The following PAPPA variants were observed in gnomAD, a reference collection of about 807,000 sequenced individuals.
The protein encoded by PAPPA is pappalysin 1, also known as pappalysin-1.
In PAPPA, 60 loss-of-function variants were observed where a neutral mutation model predicts 164.0. That is an observed-to-expected ratio of 0.37 (90% confidence interval 0.30 to 0.45). PAPPA has a LOEUF of 0.45. PAPPA is among the 20% of genes least tolerant of loss of function. The pLI, the probability that PAPPA is intolerant of heterozygous loss-of-function variation, is 1.00. For synonymous variants in PAPPA, 875 were observed against 814.1 expected, an observed-to-expected ratio of 1.07 and a Z score of -1.27; for missense variants, 1,782 against 2,087.3, an observed-to-expected ratio of 0.85 and a Z score of 2.85.
At chr9:116,349,256 TTC>T (rs1846251013) in intron 15 of PAPPA, among the ~76,000 whole-genome samples, 1 of 152,188 alleles carries the variant, frequency 6.6e-6, no homozygotes. Context: ...CCAATATTCT[TTC>T]ACATTCTAAC....
intron 13 of PAPPA, among the ~76,000 whole-genome samples, chr9:116,341,240 C>T (rs2118969526): frequency 6.6e-6 from 1 of 152,064 alleles, no homozygotes; most frequent in East Asian, 1.9e-4. Context: ...AGGGATGCAC[C>T]ATGGTGGCCA....
chr9:116,377,751 T>G, intron 20 of PAPPA, 104 bp downstream of exon 20: 1 of 822,704 alleles, frequency 1.2e-6, no homozygotes. Context: ...ACCTACTGAG[T>G]GTTGAAAATA....
chr9:116,386,348 G>A (rs1846811907), intron 21 of PAPPA, among the ~76,000 whole-genome samples: 1 of 152,180 alleles, frequency 6.6e-6, no homozygotes, highest in Admixed American at 6.5e-5. Context: ...ACTCCCTGCA[G>A]TAGACTGGCT....
In PAPPA at chr9:116,154,126, C is replaced by CG; in HGVS notation, c.-44dup. On this transcript the variant is annotated 5_prime_UTR_variant, in exon 1 of 22. Coordinates refer to ENST00000328252, the MANE Select transcript of PAPPA (RefSeq NM_002581.5). The surrounding 1 kb of genome is among the most constrained non-coding windows in gnomAD (Gnocchi z 5.2). ...CCGAGGCTCCCAAAGCTGGCAGCTC[C>CG]GGGTGGCGGTGCAGGGGCGAAGGGG... The CG allele has an allele frequency of 2.2e-6, 1 of 460,838 alleles. No homozygotes were observed. The highest frequency in any genetic ancestry group is 2.9e-6 in the Non-Finnish European group (1 of 344,262). 28.5% of individuals were successfully genotyped at this position (460,838 alleles called of 1,614,324 possible).
intron 7 of PAPPA, among the ~76,000 whole-genome samples, chr9:116,242,358 T>C (rs968209674): frequency 6.6e-6 from 1 of 151,948 alleles, no homozygotes; most frequent in African/African-American, 2.4e-5. Context: ...GATTGATAAA[T>C]GAATGAAAGA....
chr9:116,364,433 C>A (rs1030466910), intron 18 of PAPPA, among the ~76,000 whole-genome samples: 1 of 152,130 alleles, frequency 6.6e-6, no homozygotes, highest in African/African-American at 2.4e-5. Context: ...AAACAAACAG[C>A]CCCAAACACA....
At position 116,399,025 on chromosome 9, in the gene PAPPA, T is replaced by C. The variant is rs550018188; in HGVS notation, c.*2409T>C. The stretch of plus-strand genomic sequence containing the variant: ...CCTCCCAGTTGCTTAATTATACCCA[T>C]AGGTAATACAAAAAGCTCTGAAGAC... On this transcript the variant is annotated 3_prime_UTR_variant, in exon 22 of 22. Transcript: ENST00000328252. 8 of 194,500 alleles carry C rather than the reference T, an allele frequency of 4.1e-5. No individual in the cohort carries two copies. The highest frequency in any genetic ancestry group is 1.4e-4 in the African/African-American group (6 of 42,182). The allele number at this position is 194,500 out of a possible 1,614,324, so 12.0% of individuals were successfully genotyped here.
intron 2 of PAPPA, among the ~76,000 whole-genome samples, chr9:116,197,412 C>G (rs1328430697): frequency 2.0e-5 from 3 of 152,122 alleles, no homozygotes; most frequent in Non-Finnish European, 4.4e-5. Context: ...TGCTCTATGA[C>G]AAGTTGAAAA....
At chr9:116,315,358 C>T (rs1845775242) in intron 10 of PAPPA, among the ~76,000 whole-genome samples, 1 of 152,214 alleles carries the variant, frequency 6.6e-6, no homozygotes, top group Admixed American at 6.5e-5. Context: ...GGAATGTTCA[C>T]TGCACAGTGA....
Position 116,276,497 on chromosome 9 carries a change from T to A in PAPPA, c.2953+5081T>A, listed in dbSNP as rs76048847. Among the ~76,000 whole-genome samples the A allele has an allele frequency of 3.9e-3, 551 of 139,562 alleles. 4 individuals carry two copies. The highest frequency in any genetic ancestry group is 0.014 in the African/African-American group (535 of 38,034). 91.6% of individuals were successfully genotyped at this position (139,562 alleles called of 152,430 possible). A position where few individuals can be genotyped will look rare whatever the true frequency, so the allele number is the denominator to read the frequency against. Reference sequence around the variant, plus strand: ...TTAGCACCTCAGAGCCTCAGTTTCTTCCTTTGTGAAATTAGGGAGACTGGA... The same window carrying A: ...TTAGCACCTCAGAGCCTCAGTTTCTACCTTTGTGAAATTAGGGAGACTGGA... On this transcript the variant is annotated intron_variant, in intron 9 of 21. Transcript: ENST00000328252.
chr9:116,208,841 T>C (rs965367231), intron 3 of PAPPA, among the ~76,000 whole-genome samples: 10 of 152,100 alleles, frequency 6.6e-5, no homozygotes, highest in Non-Finnish European at 1.3e-4. Flanking sequence ...TGTGTGTGTG[T>C]GCGTGTGTGT....
rs760472524 is a variant in PAPPA at position 116,344,715 on chromosome 9, T to C, written c.3780+4T>C. 2 of 1,612,620 alleles carry C rather than the reference T, an allele frequency of 1.2e-6. No homozygotes were observed. Among genetic ancestry groups the C allele is most frequent in the East Asian group, 2.2e-5 (1 of 44,798 alleles). ...TGATGAGCTGATCAAGAGCCAGGTA[T>C]GTGCAGGTGCTGAGCTCAGAGCCTC... is the stretch of plus-strand genomic sequence containing the variant. On this transcript the variant is annotated splice_donor_region_variant and intron_variant, in intron 14 of 21. Transcript: ENST00000328252.
intron 9 of PAPPA, among the ~76,000 whole-genome samples, chr9:116,278,660 T>C (rs1845230831): frequency 6.6e-6 from 1 of 152,148 alleles, no homozygotes; most frequent in Non-Finnish European, 1.5e-5. Context: ...AATCGTTTTT[T>C]TTTTAGCATA....
intron 15 of PAPPA, among the ~76,000 whole-genome samples, chr9:116,350,378 ACT>A (rs1458383953): frequency 1.3e-5 from 2 of 150,560 alleles, no homozygotes; most frequent in African/African-American, 2.4e-5. Flanking sequence ...CCAGTTGAAA[ACT>A]CTCTTGGAGT....
chr9:116,378,655 G>C (rs1034550366), intron 20 of PAPPA, among the ~76,000 whole-genome samples: 1 of 152,144 alleles, frequency 6.6e-6, no homozygotes, highest in Non-Finnish European at 1.5e-5. Context: ...TGCCAAAACT[G>C]GGAAGGCTCT....
At chr9:116,223,745 C>T (rs1013533310) in intron 5 of PAPPA, among the ~76,000 whole-genome samples, 2 of 152,292 alleles carry the variant, frequency 1.3e-5, no homozygotes, top group African/African-American at 2.4e-5. Context: ...AATTTATACT[C>T]ATGCAAATTG....
chr9:116,374,835 G>A (rs1163939372), intron 19 of PAPPA, among the ~76,000 whole-genome samples: 1 of 152,266 alleles, frequency 6.6e-6, no homozygotes, highest in Non-Finnish European at 1.5e-5. Context: ...TTAAGAGAAT[G>A]AAAGCAGGTG....
chr9:116,391,950 T>C (rs527773030), intron 21 of PAPPA, among the ~76,000 whole-genome samples: 1 of 152,302 alleles, frequency 6.6e-6, no homozygotes, highest in Admixed American at 6.5e-5. Context: ...CTTCTCTCCA[T>C]GCCTCAGTTT....
chr9:116,340,000 G>A (rs935339452), intron 13 of PAPPA, among the ~76,000 whole-genome samples: 2 of 152,172 alleles, frequency 1.3e-5, no homozygotes, highest in Non-Finnish European at 2.9e-5. Context: ...TTAAGTATCT[G>A]ATCAGCTCTG....
Sources: gnomAD v4.1 joint callset for allele counts (sites outside exome capture counted in the v4.1 genomes callset) on GRCh38, gnomAD v4.1.1 for gene constraint, Gnocchi (gnomAD v3.1) non-coding constraint, MANE v1.5 for transcripts, NCBI Gene and HGNC (gene_info 2026-07-23, HGNC 2026-07-21) for gene names.